CIP2A: variants seen among roughly 807,000 people sequenced by gnomAD.
The protein encoded by CIP2A is protein CIP2A.
In CIP2A, 103 loss-of-function variants were observed where a neutral mutation model predicts 110.9. The observed-to-expected ratio is 0.93, with a 90% CI of 0.79 to 1.09. The LOEUF is 1.09. Ranked by LOEUF, CIP2A falls within the 50% of genes least tolerant of loss-of-function variation. The pLI, the probability that CIP2A is intolerant of heterozygous loss-of-function variation, is 0.00. For missense variants in CIP2A, 1,088 were observed against 1,038.4 expected, an observed-to-expected ratio of 1.05 and a Z score of -0.66; for synonymous variants, 381 against 361.6, an observed-to-expected ratio of 1.05 and a Z score of -0.61.
intron 16 of CIP2A, among the ~76,000 whole-genome samples, chr3:108,558,279 AG>A (rs1340735392): frequency 2.0e-5 from 3 of 152,198 alleles, no homozygotes; most frequent in African/African-American, 4.8e-5. Context: ...GGGGAAAAAA[AG>A]AATACCATTA....
rs550558374 is a variant in CIP2A at position 108,572,719 on chromosome 3, T to C, written c.895-3112A>G. 6.0e-4 allele frequency among the ~76,000 whole-genome samples: 90 copies of C among 151,044 alleles called. 1 individual carries two copies. The highest frequency in any genetic ancestry group is 1.7e-3 in the African/African-American group (70 of 41,510). Reference sequence around the variant, plus strand: ...GTTAAATAGATTCACTTAATTTTAATAATAGATTTTAGATTTTCTATACTC... The same window carrying C: ...GTTAAATAGATTCACTTAATTTTAACAATAGATTTTAGATTTTCTATACTC... On this transcript the variant is annotated intron_variant, in intron 8 of 20. Coordinates refer to ENST00000295746, the MANE Select transcript of CIP2A (RefSeq NM_020890.3).
chr3:108,580,782 C>A (rs372893034), intron 5 of CIP2A, among the ~76,000 whole-genome samples: 96 of 152,170 alleles, frequency 6.3e-4, no homozygotes, highest in African/African-American at 2.2e-3. Flanking sequence ...GCGTGTGCCA[C>A]CACGCCTGGC....
chr3:108,563,376 A>G lies in CIP2A; in HGVS notation c.1516-132T>C, dbSNP rs561906921. The G allele has an allele frequency of 1.2e-3, 810 of 655,388 alleles. 2 individuals carry two copies. The highest frequency in any genetic ancestry group is 1.9e-3 in the Non-Finnish European group (697 of 363,880). The allele number at this position is 655,388 out of a possible 1,614,324, so 40.6% of individuals were successfully genotyped here. A position where few individuals can be genotyped will look rare whatever the true frequency, so the allele number is the denominator to read the frequency against. ...TCTAAAATGTTTCTAATGTTTGAAT[A>G]TATTATAGTCTATATAGTTTGAATA... On this transcript the variant is annotated intron_variant, in intron 12 of 20. Coordinates refer to ENST00000295746, the MANE Select transcript of CIP2A (RefSeq NM_020890.3).
intron 5 of CIP2A, among the ~76,000 whole-genome samples, chr3:108,581,000 A>C (rs1938855191): frequency 6.6e-6 from 1 of 152,230 alleles, no homozygotes; most frequent in Non-Finnish European, 1.5e-5. Context: ...CTGTTGGTTC[A>C]TACTGAGCAC....
intron 1 of CIP2A, chr3:108,585,701 G>C (rs759020065): frequency 1.1e-5 from 5 of 456,556 alleles, no homozygotes; most frequent in Non-Finnish European, 2.2e-5. Flanking sequence ...AGCCCAGAGG[G>C]TAGTTATGGG....
chr3:108,575,513 C>CTCATAT lies in CIP2A; in HGVS notation c.894+757_894+758insATATGA, dbSNP rs1267765973. 5.1e-4 allele frequency among the ~76,000 whole-genome samples: 74 copies of CTCATAT among 145,458 alleles called. 6 individuals carry two copies. Among genetic ancestry groups the CTCATAT allele is most frequent in the African/African-American group, 1.9e-3 (72 of 38,314 alleles). On this transcript the variant is annotated intron_variant, in intron 8 of 20. Coordinates refer to ENST00000295746, the MANE Select transcript of CIP2A (RefSeq NM_020890.3). The stretch of plus-strand genomic sequence containing the variant: ...ACACATATGTATATATGTATATATA[C>CTCATAT]ACATACATATATACACGTATATATA...
At chr3:108,558,577 AAAG>A (rs1937891298) in intron 16 of CIP2A, among the ~76,000 whole-genome samples, 1 of 152,146 alleles carries the variant, frequency 6.6e-6, no homozygotes, top group South Asian at 2.1e-4. Context: ...GTGAGGGAAA[AAAG>A]AATTTCCACG....
chr3:108,565,884 CAG>C (rs766122152), intron 11 of CIP2A, among the ~76,000 whole-genome samples: 1 of 151,734 alleles, frequency 6.6e-6, no homozygotes, highest in Non-Finnish European at 1.5e-5. Context: ...AATATAAAAA[CAG>C]ATAATTCTTA....
chr3:108,579,053 G>A (rs939087470), intron 7 of CIP2A, among the ~76,000 whole-genome samples: 1 of 152,006 alleles, frequency 6.6e-6, no homozygotes, highest in Non-Finnish European at 1.5e-5. Flanking sequence ...CAACCCTATT[G>A]ATCTAAAGCA....
At chr3:108,567,981 CTTT>C (rs1404667924) in intron 10 of CIP2A, among the ~76,000 whole-genome samples, 171 bp downstream of exon 10, 2 of 151,774 alleles carry the variant, frequency 1.3e-5, no homozygotes, top group Admixed American at 6.6e-5. Context: ...AATCATGGAT[CTTT>C]TTCACTCATT....
chr3:108,551,986 C>T (rs547040296), intron 20 of CIP2A, among the ~76,000 whole-genome samples: 22 of 152,130 alleles, frequency 1.4e-4, no homozygotes, highest in African/African-American at 5.3e-4. Context: ...ACTGGTAACC[C>T]CTTTCTGTAT....
intron 20 of CIP2A, 41 bp downstream of exon 20, chr3:108,552,191 CTT>C: frequency 6.6e-7 from 1 of 1,504,296 alleles, no homozygotes; most frequent in Non-Finnish European, 8.9e-7. Context: ...TCACAACAGA[CTT>C]TTTTATTTTA....
Position 108,576,338 on chromosome 3 carries a change from T to G in CIP2A, c.827A>C (p.His276Pro). Residue 276 changes from histidine (H) to proline (P), a missense_variant, in exon 8 of 21, where the codon CAC (histidine) becomes CCC (proline). Physicochemically the swap from His to Pro is moderately conservative, Grantham distance 77 (BLOSUM62 -2). Transcript: ENST00000295746. ...KIADYLTRYE[H>P]FSSCLHQVLG... ...TACTTGGTGAAGACATGAAGAAAAG[T>G]GCTCATATCTAGGTTTAGAATAAAA... is the stretch of plus-strand genomic sequence containing the variant. 4.6e-6 allele frequency: 7 copies of G among 1,535,994 alleles called. No individual in the cohort carries two copies. The highest frequency in any genetic ancestry group is 6.2e-6 in the Non-Finnish European group (7 of 1,129,384).
chr3:108,582,000 A>C, intron 4 of CIP2A, 108 bp downstream of exon 4: 1 of 510,854 alleles, frequency 2.0e-6, no homozygotes, highest in Non-Finnish European at 3.5e-6. Flanking sequence ...AGTCTCACTC[A>C]GTTTATATGT....
chr3:108,573,191 G>A (rs1021044508), intron 8 of CIP2A, among the ~76,000 whole-genome samples: 25 of 151,524 alleles, frequency 1.6e-4, no homozygotes, highest in Non-Finnish European at 3.0e-4. Context: ...ATTTTGATTT[G>A]CTACTGTTTT....
chr3:108,571,639 T>G (rs1168559986), intron 8 of CIP2A, among the ~76,000 whole-genome samples: 1 of 152,146 alleles, frequency 6.6e-6, no homozygotes, highest in Non-Finnish European at 1.5e-5. Flanking sequence ...AAAAAACTAA[T>G]TACTAGTGCA....
chr3:108,582,302 T>C (rs1015754878), intron 3 of CIP2A, 100 bp from the exon 4 acceptor site: 7 of 476,718 alleles, frequency 1.5e-5, no homozygotes, highest in Non-Finnish European at 3.7e-6. Context: ...CTTTTCCATT[T>C]CCTAAAACAA....
At chr3:108,553,508 G>A in intron 19 of CIP2A, 140 bp downstream of exon 19, 3 of 717,894 alleles carry the variant, frequency 4.2e-6, no homozygotes, top group Non-Finnish European at 4.3e-6. Flanking sequence ...GAAACATTAT[G>A]TCAAGAAAAG....
chr3:108,553,609 A>G (rs781720319), intron 19 of CIP2A, 39 bp downstream of exon 19: 5 of 1,515,544 alleles, frequency 3.3e-6, no homozygotes, highest in Non-Finnish European at 4.5e-6. Context: ...AAATAAATAC[A>G]TTAAAAATAG....
Sources: allele counts gnomAD v4.1 joint callset (sites outside exome capture counted in the v4.1 genomes callset), GRCh38; gene constraint gnomAD v4.1.1; transcripts MANE v1.5; gene names NCBI Gene and HGNC (gene_info 2026-07-23, HGNC 2026-07-21).